Variants in GPC4 observed in about 807,000 individuals in gnomAD.
The protein encoded by GPC4 is glypican-4.
Under a neutral mutation model 35.0 loss-of-function variants are expected in GPC4, and 10 were observed. The ratio of observed to expected loss-of-function variants is 0.29; its 90% CI spans 0.18 to 0.48. GPC4 has a LOEUF of 0.48. Among genes scored for constraint, GPC4 ranks in the 20% least tolerant of loss-of-function variants. The pLI is 0.99. For missense variants in GPC4, 322 were observed against 451.3 expected (o/e 0.71, Z 2.60); for synonymous variants, 167 against 170.2 (o/e 0.98, Z 0.15).
chrX:133,403,335 G>A (rs1262609287), intron 1 of GPC4, among the ~76,000 whole-genome samples: 2 of 111,139 alleles, frequency 1.8e-5, no homozygotes, highest in Admixed American at 1.9e-4. Context: ...GGTAGATTGG[G>A]TTCTGGTAAG....
intron 1 of GPC4, among the ~76,000 whole-genome samples, chrX:133,356,411 A>C (rs2068541862): frequency 9.0e-6 from 1 of 110,620 alleles, no homozygotes; most frequent in African/African-American, 3.3e-5. Context: ...CACCCGACTA[A>C]TTTTTGTATT....
At chrX:133,389,213 C>T (rs936596862) in intron 1 of GPC4, among the ~76,000 whole-genome samples, 5 of 110,399 alleles carry the variant, frequency 4.5e-5, no homozygotes, top group Non-Finnish European at 7.5e-5. Context: ...CCCACTTCAG[C>T]CTTCCAAACT....
chrX:133,333,661 TGCTTTCAAACTAAATCGGAGACCAC>T (rs1218387768), intron 2 of GPC4, among the ~76,000 whole-genome samples: 1 of 112,624 alleles, frequency 8.9e-6, no homozygotes, highest in East Asian at 2.8e-4. Flanking sequence ...AGAGTAGCAG[TGCTTTCAAACTAAATCGGAGACCAC>T]TGGCATAATC....
intron 1 of GPC4, among the ~76,000 whole-genome samples, chrX:133,403,558 A>C (rs1286840880): frequency 9.0e-6 from 1 of 111,654 alleles, no homozygotes; most frequent in African/African-American, 3.3e-5. Flanking sequence ...GCAGATATGA[A>C]TAAAAATATC....
intron 1 of GPC4, among the ~76,000 whole-genome samples, chrX:133,411,885 G>GT (rs1196987364): frequency 9.0e-6 from 1 of 111,569 alleles, no homozygotes; most frequent in Non-Finnish European, 1.9e-5. Context: ...TCAGCATGAT[G>GT]TACTCCCTGA....
intron 1 of GPC4, among the ~76,000 whole-genome samples, chrX:133,347,335 G>A (rs2069492871): frequency 1.0e-5 from 1 of 95,838 alleles, no homozygotes; most frequent in African/African-American, 4.0e-5. Flanking sequence ...TGTGGCCAGC[G>A]GGGAAAAACT....
intron 1 of GPC4, among the ~76,000 whole-genome samples, chrX:133,344,191 G>GTTTTTTTTTTTTTTTTTTT (rs747976050): frequency 2.6e-5 from 1 of 38,891 alleles, no homozygotes; most frequent in Non-Finnish European, 5.2e-5. Context: ...TTTCTTTCTG[G>GTTTTTTTTTTTTTTTTTTT]TTTTTTTTTT....
At chrX:133,377,877 C>CTTTTTTTTTTCTTTTTTTT (rs2068641616) in intron 1 of GPC4, among the ~76,000 whole-genome samples, 2 of 86,192 alleles carry the variant, frequency 2.3e-5, no homozygotes, top group Non-Finnish European at 4.5e-5. Flanking sequence ...TTTTCTTTTT[C>CTTTTTTTTTTCTTTTTTTT]TTTTTTTTTT....
At position 133,376,441 on chromosome X, in the gene GPC4, G is replaced by A. The variant is rs73239384; in HGVS notation, c.161-37100C>T. ...TATGTGTGCTTGTGTGTGCATGTGT[G>A]CATATGCATCTTTGTCTGATATAAG... On this transcript the variant is annotated intron_variant, in intron 1 of 8. Coordinates refer to ENST00000370828, the MANE Select transcript of GPC4 (RefSeq NM_001448.3). Among the ~76,000 whole-genome samples the A allele has an allele frequency of 6.7e-3, 751 of 112,620 alleles. 2 individuals carry two copies. The highest frequency in any genetic ancestry group is 0.011 in the Non-Finnish European group (570 of 53,321).
At chrX:133,380,483 T>G (rs1357726818) in intron 1 of GPC4, among the ~76,000 whole-genome samples, 2 of 109,909 alleles carry the variant, frequency 1.8e-5, no homozygotes, top group Admixed American at 2.0e-4. Flanking sequence ...ATCCAAAGCG[T>G]CTTTAGTGAG....
chrX:133,403,821 G>A (rs931289258), intron 1 of GPC4, among the ~76,000 whole-genome samples: 2 of 108,823 alleles, frequency 1.8e-5, no homozygotes, highest in Non-Finnish European at 3.8e-5. Context: ...TCAGCCTCCC[G>A]AGTAGCTGGG....
At chrX:133,339,362 C>T (rs779789026) in intron 1 of GPC4, 21 bp from the exon 2 acceptor site, 4 of 1,191,938 alleles carry the variant, frequency 3.4e-6, no homozygotes, top group Admixed American at 4.4e-5. Flanking sequence ...AAAAGTAAGA[C>T]AGTCAATGTC....
At chrX:133,309,429 T>A (rs2068304921) in intron 4 of GPC4, among the ~76,000 whole-genome samples, 1 of 112,728 alleles carries the variant, frequency 8.9e-6, no homozygotes, top group Admixed American at 9.4e-5. Flanking sequence ...GGTTTTGATT[T>A]GATATGGACC....
intron 1 of GPC4, among the ~76,000 whole-genome samples, chrX:133,343,080 G>A: frequency 9.0e-6 from 1 of 111,696 alleles, no homozygotes; most frequent in Admixed American, 9.5e-5. Context: ...GATGGGACAG[G>A]TAGACAGCCA....
chrX:133,310,774 G>T (rs1372839462), intron 4 of GPC4, among the ~76,000 whole-genome samples: 1 of 111,989 alleles, frequency 8.9e-6, no homozygotes, highest in Non-Finnish European at 1.9e-5. Flanking sequence ...CTGTACTCCA[G>T]CATTTACATG....
intron 1 of GPC4, among the ~76,000 whole-genome samples, chrX:133,402,459 T>C (rs2068770501): frequency 9.0e-6 from 1 of 111,662 alleles, no homozygotes; most frequent in Non-Finnish European, 1.9e-5. Context: ...ACTAACAAAG[T>C]GGCTTTGCAA....
chrX:133,337,856 G>A (rs1033911071), intron 2 of GPC4, among the ~76,000 whole-genome samples: 17 of 110,420 alleles, frequency 1.5e-4, no homozygotes, highest in African/African-American at 5.6e-4. Flanking sequence ...ACTTTTAACA[G>A]CTACAGCATA....
chrX:133,392,666 CAAA>C (rs141927848), intron 1 of GPC4, among the ~76,000 whole-genome samples: 19 of 72,415 alleles, frequency 2.6e-4, no homozygotes, highest in African/African-American at 6.7e-4. Flanking sequence ...AAAAACAAAA[CAAA>C]AAAAAAAAAA....
chrX:133,357,494 C>T (rs753934492), intron 1 of GPC4, among the ~76,000 whole-genome samples: 20 of 109,803 alleles, frequency 1.8e-4, no homozygotes, highest in South Asian at 1.2e-3. Flanking sequence ...TTCAAATGAT[C>T]CTCCCACCTC....
Sources: gnomAD v4.1 joint callset for allele counts (sites outside exome capture counted in the v4.1 genomes callset) on GRCh38, gnomAD v4.1.1 for gene constraint, MANE v1.5 for transcripts, NCBI Gene and HGNC (gene_info 2026-07-23, HGNC 2026-07-21) for gene names.